The following ZNF700 variants were observed in gnomAD, a reference collection of about 807,000 sequenced individuals.
The protein encoded by ZNF700 is zinc finger protein 700.
In ZNF700, 38 loss-of-function variants were observed where a neutral mutation model predicts 65.3. The ratio of observed to expected loss-of-function variants is 0.58; its 90% confidence interval spans 0.45 to 0.76. ZNF700 has a LOEUF of 0.76. ZNF700 is among the 30% of genes least tolerant of loss of function. The probability of loss-of-function intolerance (pLI) is 0.00; values close to 1 mark genes in which losing one functional copy is unlikely to be tolerated. For missense variants in ZNF700, 857 were observed against 888.4 expected (o/e 0.96, Z 0.45); for synonymous variants, 285 against 290.4 (o/e 0.98, Z 0.19).
chr19:11,942,219 G>T (rs902185619), intron 1 of ZNF700, among the ~76,000 whole-genome samples: 5 of 150,798 alleles, frequency 3.3e-5, no homozygotes, highest in African/African-American at 1.2e-4. Flanking sequence ...GTCCCTGGGG[G>T]TGTGGGCTTT....
At position 11,925,140 on chromosome 19, in the gene ZNF700, T is replaced by TA. The variant is rs1223848093; in HGVS notation, c.-69dup. The stretch of plus-strand genomic sequence containing the variant: ...TCCTCGCTGCGCGGGCGGCGGTTGG[T>TA]AACCGGTCAGACCAGCCCGAGAGGG... On this transcript the variant is annotated 5_prime_UTR_variant, in exon 1 of 4. Transcript: ENST00000254321. 15 of 1,581,872 alleles carry TA rather than the reference T, an allele frequency of 9.5e-6. No homozygotes were observed. In the Admixed American group the frequency reaches 1.4e-4, roughly 15 times the overall value.
intron 1 of ZNF700, among the ~76,000 whole-genome samples, chr19:11,931,413 T>A (rs1331051732): frequency 1.3e-5 from 2 of 148,180 alleles, no homozygotes; most frequent in Admixed American, 6.6e-5. Context: ...TATGCTCTCA[T>A]CTAATCCTAA....
intron 1 of ZNF700, among the ~76,000 whole-genome samples, chr19:11,941,500 C>T (rs1972883075): frequency 6.6e-6 from 1 of 152,220 alleles, no homozygotes; most frequent in Non-Finnish European, 1.5e-5. Flanking sequence ...GCTGGCACTA[C>T]TGGGGGACCC....
chr19:11,940,181 C>T (rs1027620428), intron 1 of ZNF700, among the ~76,000 whole-genome samples: 5 of 152,182 alleles, frequency 3.3e-5, no homozygotes, highest in Admixed American at 6.5e-5. Context: ...CGACCTGCCT[C>T]GGCCTCCAAA....
At chr19:11,935,447 G>A (rs1972781060) in intron 1 of ZNF700, among the ~76,000 whole-genome samples, 1 of 151,890 alleles carries the variant, frequency 6.6e-6, no homozygotes, top group South Asian at 2.1e-4. Flanking sequence ...ATGTTAGGCT[G>A]ATCTCGAACT....
chr19:11,939,046 G>A (rs112465024), intron 1 of ZNF700, among the ~76,000 whole-genome samples: 1 of 152,210 alleles, frequency 6.6e-6, no homozygotes, highest in African/African-American at 2.4e-5. Flanking sequence ...GTCTGTTCAT[G>A]TCCTTTGCCC....
chr19:11,931,328 T>C lies in ZNF700; in HGVS notation c.63+6055T>C, dbSNP rs552709329. 4.0e-5 allele frequency among the ~76,000 whole-genome samples: 6 copies of C among 148,268 alleles called. No individual in the cohort carries two copies. In the South Asian group the frequency reaches 1.3e-3, roughly 31 times the overall value. ...ATCGTCTTCTTGTGGTTTCTTCACA[T>C]GACAGAGGAGAGGAAGCCGGCTCTC... On this transcript the variant is annotated intron_variant, in intron 1 of 3. Transcript: ENST00000254321.
intron 1 of ZNF700, among the ~76,000 whole-genome samples, chr19:11,935,117 A>G (rs1258946793): frequency 7.3e-6 from 1 of 136,556 alleles, no homozygotes; most frequent in Non-Finnish European, 1.5e-5. Flanking sequence ...CGGAGCTTGC[A>G]GTGGGCCGAG....
In ZNF700 at chr19:11,927,580, A is replaced by G. The variant is rs143109895; in HGVS notation, c.63+2307A>G. On this transcript the variant is annotated intron_variant, in intron 1 of 3. Coordinates refer to ENST00000254321, the MANE Select transcript of ZNF700 (RefSeq NM_144566.3). ...TTATGTAGGGATCTTTTCTATGTAA[A>G]GAATAAACTACCTGTGCCTATGTGC... Among the ~76,000 whole-genome samples the G allele has an allele frequency of 3.6e-3, 553 of 152,294 alleles. 5 individuals carry two copies. The highest frequency in any genetic ancestry group is 0.012 in the African/African-American group (510 of 41,562).
In ZNF700 at chr19:11,932,973, C is replaced by G. The variant is rs899149576; in HGVS notation, c.63+7700C>G. Among the ~76,000 whole-genome samples the G allele has an allele frequency of 8.8e-5, 13 of 148,522 alleles. 1 individual carries two copies. The highest frequency in any genetic ancestry group is 3.1e-4 in the African/African-American group (12 of 38,176). On this transcript the variant is annotated intron_variant, in intron 1 of 3. Coordinates refer to ENST00000254321, the MANE Select transcript of ZNF700 (RefSeq NM_144566.3). Reference sequence around the variant, plus strand: ...TTTTATATTGGATTTTATTTAAACTCAGTTATGAACCTTACATGGAATGAT... The same window carrying G: ...TTTTATATTGGATTTTATTTAAACTGAGTTATGAACCTTACATGGAATGAT...
At chr19:11,938,028 G>A (rs1211812016) in intron 1 of ZNF700, among the ~76,000 whole-genome samples, 1 of 152,050 alleles carries the variant, frequency 6.6e-6, no homozygotes, top group Non-Finnish European at 1.5e-5. Flanking sequence ...ATGGGCTAAG[G>A]CTTGTCAGAT....
At chr19:11,944,119 A>G (rs1372755956) in intron 1 of ZNF700, among the ~76,000 whole-genome samples, 1 of 152,100 alleles carries the variant, frequency 6.6e-6, no homozygotes, top group Non-Finnish European at 1.5e-5. Context: ...TGAACTGGGG[A>G]GAATAAGCTA....
chr19:11,936,786 T>C (rs1972802914), intron 1 of ZNF700, among the ~76,000 whole-genome samples: 1 of 152,248 alleles, frequency 6.6e-6, no homozygotes, highest in East Asian at 1.9e-4. Flanking sequence ...TGAATGGTAT[T>C]GCCTAGGTTT....
At chr19:11,937,490 C>CTTTTTTTT (rs1053539594) in intron 1 of ZNF700, among the ~76,000 whole-genome samples, 2 of 129,010 alleles carry the variant, frequency 1.6e-5, no homozygotes, top group South Asian at 2.4e-4. Flanking sequence ...TTTTTCTTTC[C>CTTTTTTTT]TTTTTTTTTT....
chr19:11,933,912 G>C (rs1972751634), intron 1 of ZNF700, among the ~76,000 whole-genome samples: 1 of 147,076 alleles, frequency 6.8e-6, no homozygotes, highest in Admixed American at 6.7e-5. Flanking sequence ...CCCAGCTCAG[G>C]TGATCCTCCC....
rs150318259 is a variant in ZNF700, at chr19:11,948,977, C to A, written c.953C>A (p.Thr318Asn). The stretch of plus-strand genomic sequence containing the variant: ...GAATGTGGAAAAGCATTTGCATATA[C>A]CAGTTCTCTTCGTAGACATGAAAGG... ...CKECGKAFAY[T>N]SSLRRHERTH... Residue 318 changes from threonine to asparagine, a missense_variant, in exon 4 of 4, where the codon ACC becomes AAC. Around this residue, in one of 3 missense-constraint regions of ZNF700, gnomAD observed 603 missense variants for 619.9 expected, o/e 0.97. Transcript: ENST00000254321. 40 of 1,608,550 alleles carry A rather than the reference C, an allele frequency of 2.5e-5. No individual in the cohort carries two copies. In the African/African-American group the frequency reaches 4.4e-4, roughly 18 times the overall value.
At chr19:11,935,588 A>G (rs1399892900) in intron 1 of ZNF700, among the ~76,000 whole-genome samples, 2 of 151,914 alleles carry the variant, frequency 1.3e-5, no homozygotes, top group Admixed American at 1.3e-4. Flanking sequence ...GGACTTCTTC[A>G]TACCTTTTGG....
intron 1 of ZNF700, among the ~76,000 whole-genome samples, chr19:11,925,767 G>T (rs1269178075): frequency 6.6e-6 from 1 of 152,200 alleles, no homozygotes; most frequent in Non-Finnish European, 1.5e-5. Context: ...GTTTGTCAAC[G>T]GAAAAAGCCA....
chr19:11,946,885 A>C (rs1181020274), intron 1 of ZNF700: 1 of 354,164 alleles, frequency 2.8e-6, no homozygotes, highest in African/African-American at 2.2e-5. Context: ...CTATAATCCC[A>C]GCTACTCGGG....
Sources: allele counts gnomAD v4.1 joint callset (sites outside exome capture counted in the v4.1 genomes callset), GRCh38; gene constraint gnomAD v4.1.1; regional missense constraint gnomAD v4.1.1; transcripts MANE v1.5; gene names NCBI Gene and HGNC (gene_info 2026-07-23, HGNC 2026-07-21).